CRISP2: variants seen among roughly 807,000 people sequenced by gnomAD.
CRISP2 encodes the protein cysteine rich secretory protein 2.
Under a neutral mutation model 31.7 loss-of-function variants are expected in CRISP2, and 29 were observed. The observed-to-expected ratio is 0.92, with a 90% CI of 0.68 to 1.25. CRISP2 has a LOEUF of 1.25. Ranked by LOEUF, CRISP2 falls within the 50% of genes most tolerant of loss-of-function variation. The pLI is 0.00. For synonymous variants in CRISP2, 111 were observed against 101.4 expected (o/e 1.09, Z -0.57); for missense variants, 318 against 286.5 (o/e 1.11, Z -0.79).
chr6:49,704,572 G>C (rs1208298858), intron 4 of CRISP2, among the ~76,000 whole-genome samples: 1 of 152,158 alleles, frequency 6.6e-6, no homozygotes, highest in Non-Finnish European at 1.5e-5. Flanking sequence ...TTCTCCTAGA[G>C]ATGGGGCTTC....
chr6:49,697,969 C>T lies in CRISP2; in HGVS notation c.418-12G>A, dbSNP rs764019239. On this transcript the variant is annotated splice_polypyrimidine_tract_variant and intron_variant, in intron 7 of 9. Coordinates refer to ENST00000339139, the MANE Select transcript of CRISP2 (RefSeq NM_003296.4). ...GAGTACCAAACAAGCTGCAAATTAA[C>T]AATGGAATAAATATATAAAAGTACA... The T allele has an allele frequency of 5.1e-6, 8 of 1,560,432 alleles. No homozygotes were observed. The highest frequency in any genetic ancestry group is 1.4e-5 in the African/African-American group (1 of 72,316).
chr6:49,706,546 G>A (rs1284930664), intron 4 of CRISP2, among the ~76,000 whole-genome samples: 2 of 152,070 alleles, frequency 1.3e-5, no homozygotes, highest in African/African-American at 2.4e-5. Context: ...TATGGTATGG[G>A]GCCTGCTAAG....
the CRISP2 span, among the ~76,000 whole-genome samples, chr6:49,685,737 C>T: frequency 6.6e-6 from 1 of 152,086 alleles, no homozygotes; most frequent in African/African-American, 2.4e-5. Flanking sequence ...TTATAATACT[C>T]ATTAGGTCGG....
At chr6:49,699,622 T>TA (rs545611727) in intron 6 of CRISP2, among the ~76,000 whole-genome samples, 182 bp downstream of exon 6, 1 of 152,030 alleles carries the variant, frequency 6.6e-6, no homozygotes, top group Non-Finnish European at 1.5e-5. Flanking sequence ...ATGTACACAA[T>TA]AAAAAAACAC....
the CRISP2 span, among the ~76,000 whole-genome samples, chr6:49,680,001 C>A: frequency 6.6e-6 from 1 of 152,076 alleles, no homozygotes; most frequent in Admixed American, 6.6e-5. Flanking sequence ...CCACTGCACC[C>A]AGCCGACTTT....
chr6:49,686,437 T>A, the CRISP2 span, among the ~76,000 whole-genome samples: 1 of 152,204 alleles, frequency 6.6e-6, no homozygotes, highest in Non-Finnish European at 1.5e-5. Flanking sequence ...TGCAACTTTG[T>A]TAGATATTGC....
chr6:49,682,587 T>TTCTCTTTC, the CRISP2 span, among the ~76,000 whole-genome samples: 10 of 83,616 alleles, frequency 1.2e-4, no homozygotes, highest in Non-Finnish European at 2.3e-5. Flanking sequence ...CTTTCTTTCT[T>TTCTCTTTC]TTTCTTTCTT....
chr6:49,682,611 CTT>C, the CRISP2 span, among the ~76,000 whole-genome samples: 2 of 67,224 alleles, frequency 3.0e-5, no homozygotes, highest in Non-Finnish European at 5.0e-5. Context: ...TTCTTTCTTT[CTT>C]TCTTTCTTTC....
At chr6:49,684,104 G>A in the CRISP2 span, among the ~76,000 whole-genome samples, 1 of 151,974 alleles carries the variant, frequency 6.6e-6, no homozygotes, top group African/African-American at 2.4e-5. Context: ...GTAAAATAAA[G>A]AGAAAGGAAT....
intron 4 of CRISP2, among the ~76,000 whole-genome samples, chr6:49,701,187 C>A (rs1252273375): frequency 6.6e-6 from 1 of 151,562 alleles, no homozygotes; most frequent in Non-Finnish European, 1.5e-5. Flanking sequence ...TGAATAAGTT[C>A]TTTACTGGTG....
intron 8 of CRISP2, among the ~76,000 whole-genome samples, chr6:49,697,113 C>T (rs995655756): frequency 3.3e-5 from 5 of 152,082 alleles, no homozygotes; most frequent in South Asian, 2.1e-4. Flanking sequence ...TAGCTGTGCC[C>T]CCCACCGCAG....
intron 4 of CRISP2, among the ~76,000 whole-genome samples, chr6:49,706,564 G>T (rs1360755783): frequency 6.6e-6 from 1 of 152,260 alleles, no homozygotes; most frequent in African/African-American, 2.4e-5. Context: ...AAGCCTGGAG[G>T]TGGAATAGGA....
At chr6:49,708,415 G>A (rs1252811937) in intron 4 of CRISP2, among the ~76,000 whole-genome samples, 1 of 152,150 alleles carries the variant, frequency 6.6e-6, no homozygotes, top group South Asian at 2.1e-4. Flanking sequence ...TTAAGTTCAG[G>A]ATCTCAGGAT....
At chr6:49,709,577 G>T (rs1767649982) in intron 3 of CRISP2, among the ~76,000 whole-genome samples, 2 of 152,220 alleles carry the variant, frequency 1.3e-5, no homozygotes, top group South Asian at 2.1e-4. Flanking sequence ...ATTTTTGGAG[G>T]AAAGTTTATT....
intron 4 of CRISP2, among the ~76,000 whole-genome samples, chr6:49,701,471 G>T (rs1320578428): frequency 8.1e-6 from 1 of 124,178 alleles, no homozygotes; most frequent in Non-Finnish European, 1.6e-5. Context: ...TCTTTTTATG[G>T]CTGAGCAGTA....
At chr6:49,681,284 C>A in the CRISP2 span, among the ~76,000 whole-genome samples, 1 of 152,072 alleles carries the variant, frequency 6.6e-6, no homozygotes. Flanking sequence ...TGTCAGATTT[C>A]TCAGAGATCA....
In CRISP2 at chr6:49,699,676, T is replaced by C; in HGVS notation, c.271+128A>G. The C allele has an allele frequency of 6.1e-6, 4 of 655,964 alleles. No individual in the cohort carries two copies. The South Asian group carries it at 8.4e-5, about 14-fold the overall frequency. 40.6% of individuals were successfully genotyped at this position (655,964 alleles called of 1,614,324 possible). ...AATACCCCTCTGTATACAGATACTT[T>C]GACTTCAAAAAGACAGCAGTATAAG... On this transcript the variant is annotated intron_variant, in intron 6 of 9. Coordinates refer to ENST00000339139, the MANE Select transcript of CRISP2 (RefSeq NM_003296.4).
chr6:49,701,885 T>A lies in CRISP2; in HGVS notation c.67-1101A>T, dbSNP rs1481420745. Reference sequence around the variant, plus strand: ...ATTATTATATATTATGTATTATATATTATATATTATTATATATTATGTATT... The same window carrying A: ...ATTATTATATATTATGTATTATATAATATATATTATTATATATTATGTATT... On this transcript the variant is annotated intron_variant, in intron 4 of 9. Coordinates refer to ENST00000339139, the MANE Select transcript of CRISP2 (RefSeq NM_003296.4). Among the ~76,000 whole-genome samples, 290 of 92,556 alleles carry A rather than the reference T, an allele frequency of 3.1e-3. 1 individual carries two copies. The highest frequency in any genetic ancestry group is 4.9e-3 in the Non-Finnish European group (247 of 50,694). 60.7% of individuals were successfully genotyped at this position (92,556 alleles called of 152,430 possible). A position where few individuals can be genotyped will look rare whatever the true frequency, so the allele number is the denominator to read the frequency against.
intron 7 of CRISP2, among the ~76,000 whole-genome samples, 188 bp downstream of exon 7, chr6:49,698,174 C>T (rs1029256669): frequency 6.6e-6 from 1 of 152,092 alleles, no homozygotes; most frequent in Non-Finnish European, 1.5e-5. Flanking sequence ...AATACAGAGT[C>T]TGCTTTCCTA....
Sources: gnomAD v4.1 joint callset for allele counts (sites outside exome capture counted in the v4.1 genomes callset) on GRCh38, gnomAD v4.1.1 for gene constraint, MANE v1.5 for transcripts, NCBI Gene and HGNC (gene_info 2026-07-23, HGNC 2026-07-21) for gene names.